Variants in SPATA22 observed in about 807,000 individuals in gnomAD.
SPATA22 encodes spermatogenesis-associated protein 22.
Under a neutral mutation model 47.8 loss-of-function variants are expected in SPATA22, and 29 were observed. The ratio of observed to expected loss-of-function variants is 0.61; its 90% CI spans 0.45 to 0.83. SPATA22 has a LOEUF of 0.83. SPATA22 is among the 40% of genes least tolerant of loss of function. SPATA22 has a pLI of 0.00. For missense variants in SPATA22, 410 were observed against 421.7 expected (o/e 0.97, Z 0.24); for synonymous variants, 133 against 140.9 (o/e 0.94, Z 0.40).
intron 1 of SPATA22, among the ~76,000 whole-genome samples, chr17:3,509,058 T>C (rs2074075832): frequency 1.3e-5 from 2 of 152,090 alleles, no homozygotes; most frequent in Non-Finnish European, 2.9e-5. Flanking sequence ...ATTCTCTCAT[T>C]GCCTCCTTGT....
At chr17:3,462,820 A>T in intron 3 of SPATA22, 53 bp from the exon 4 acceptor site, 3 of 1,350,766 alleles carry the variant, frequency 2.2e-6, no homozygotes, top group Non-Finnish European at 3.2e-6. Context: ...TATTTTTCAA[A>T]ATGATAAATT....
At chr17:3,479,363 AG>A (rs908629349) in intron 1 of SPATA22, among the ~76,000 whole-genome samples, 9 of 152,212 alleles carry the variant, frequency 5.9e-5, no homozygotes, top group African/African-American at 2.2e-4. Context: ...GCGCGACCTC[AG>A]GGGGTTATTT....
intron 1 of SPATA22, among the ~76,000 whole-genome samples, chr17:3,504,028 G>T (rs1336554406): frequency 6.6e-6 from 1 of 152,020 alleles, no homozygotes; most frequent in African/African-American, 2.4e-5. Context: ...CCACTCCAGT[G>T]TCCTTCCCAC....
At chr17:3,442,179 G>C (rs2072612778) in intron 8 of SPATA22, among the ~76,000 whole-genome samples, 1 of 151,786 alleles carries the variant, frequency 6.6e-6, no homozygotes, top group Non-Finnish European at 1.5e-5. Flanking sequence ...CTTCAGACTA[G>C]ATAAAAATAA....
chr17:3,474,687 G>C (rs2073496112), upstream of SPATA22, among the ~76,000 whole-genome samples: 1 of 152,018 alleles, frequency 6.6e-6, no homozygotes, highest in South Asian at 2.1e-4. Flanking sequence ...ACATTCAGTG[G>C]GTTTATTAAA....
intron 5 of SPATA22, among the ~76,000 whole-genome samples, chr17:3,461,512 A>T (rs1337873262): frequency 6.6e-6 from 1 of 152,192 alleles, no homozygotes; most frequent in African/African-American, 2.4e-5. Context: ...TAGCTCCTGC[A>T]GTTGGAACAA....
intron 1 of SPATA22, among the ~76,000 whole-genome samples, chr17:3,506,337 G>A (rs1449864869): frequency 6.6e-6 from 1 of 152,122 alleles, no homozygotes; most frequent in African/African-American, 2.4e-5. Flanking sequence ...GCACAGCCCA[G>A]AAGCTTACAT....
intron 1 of SPATA22, chr17:3,489,173 C>A: frequency 1.0e-6 from 1 of 1,000,348 alleles, no homozygotes; most frequent in Non-Finnish European, 1.6e-6. Context: ...CATTAAAATG[C>A]TTAGTTTTAT....
In SPATA22 at chr17:3,443,076, T is replaced by C. The variant is rs184506153; in HGVS notation, c.900+98A>G. 6.5e-5 allele frequency: 55 copies of C among 850,962 alleles called. No homozygotes were observed. The East Asian group carries it at 1.2e-3, about 19-fold the overall frequency. 52.7% of individuals were successfully genotyped at this position (850,962 alleles called of 1,614,324 possible). A position where few individuals can be genotyped will look rare whatever the true frequency, so the allele number is the denominator to read the frequency against. The stretch of plus-strand genomic sequence containing the variant: ...GAACTAAAACCAGTGTTAAAAGTAC[T>C]AAATTGTTAACAGAATTTATATTTC... On this transcript the variant is annotated intron_variant, in intron 8 of 8. Transcript: ENST00000572969.
chr17:3,512,394 G>A (rs949123336), intron 1 of SPATA22: 5 of 152,222 alleles, frequency 3.3e-5, no homozygotes, highest in Non-Finnish European at 5.9e-5. Context: ...TGTCCAGCTA[G>A]TCTGGCACAC....
At chr17:3,484,460 A>G (rs1242717250) in intron 1 of SPATA22, among the ~76,000 whole-genome samples, 2 of 152,136 alleles carry the variant, frequency 1.3e-5, no homozygotes, top group African/African-American at 4.8e-5. Flanking sequence ...CCCAGTCTTG[A>G]TGGATCACAG....
upstream of SPATA22, among the ~76,000 whole-genome samples, chr17:3,472,646 T>C (rs944664767): frequency 1.3e-5 from 2 of 152,200 alleles, no homozygotes; most frequent in African/African-American, 2.4e-5. Context: ...ATGGGCCAGG[T>C]AGTGGATTCT....
chr17:3,465,852 T>C (rs1004325937), intron 3 of SPATA22, among the ~76,000 whole-genome samples: 4 of 151,872 alleles, frequency 2.6e-5, no homozygotes, highest in Non-Finnish European at 4.4e-5. Flanking sequence ...GGAAAACTAC[T>C]ATTTCTGACA....
chr17:3,445,879 A>G (rs913155784), intron 7 of SPATA22, among the ~76,000 whole-genome samples: 2 of 152,146 alleles, frequency 1.3e-5, no homozygotes, highest in African/African-American at 4.8e-5. Context: ...CTTACAAATT[A>G]CCACAAACTT....
upstream of SPATA22, among the ~76,000 whole-genome samples, chr17:3,472,775 A>G (rs1432365537): frequency 1.3e-5 from 2 of 152,242 alleles, no homozygotes; most frequent in East Asian, 1.9e-4. Flanking sequence ...GCCTAGGCCT[A>G]TAAGACCACA....
Position 3,465,249 on chromosome 17 carries a change from T to C in SPATA22, c.172+2177A>G, listed in dbSNP as rs367753772. Among the ~76,000 whole-genome samples the C allele has an allele frequency of 6.7e-5, 7 of 105,198 alleles. No individual in the cohort carries two copies. In the East Asian group the frequency reaches 1.3e-3, roughly 19 times the overall value. 69.0% of individuals were successfully genotyped at this position (105,198 alleles called of 152,430 possible). ...CCTACTGGGAAGTGAGGAGCCCCTC[T>C]GCCCGGCCACCACCCCGTCTGGGAG... On this transcript the variant is annotated intron_variant, in intron 3 of 8. Coordinates refer to ENST00000572969, the MANE Select transcript of SPATA22 (RefSeq NM_001170698.2).
chr17:3,458,207 G>A (rs151018601), intron 5 of SPATA22, among the ~76,000 whole-genome samples: 1 of 152,222 alleles, frequency 6.6e-6, no homozygotes, highest in East Asian at 1.9e-4. Flanking sequence ...TGGCCAACAG[G>A]TATATAAAAA....
intron 5 of SPATA22, among the ~76,000 whole-genome samples, chr17:3,455,154 C>G (rs1274862793): frequency 7.0e-6 from 1 of 143,712 alleles, no homozygotes; most frequent in African/African-American, 2.5e-5. Context: ...GTTTTTTTTT[C>G]TTGTAAATTT....
Position 3,458,423 on chromosome 17 carries a change from CA to C in SPATA22, c.329+4059del, listed in dbSNP as rs1401377693. On this transcript the variant is annotated intron_variant, in intron 5 of 8. Transcript: ENST00000572969. ...TATGAAAAACAGTATGGAAGTTCCT[CA>C]AAAAATTAAAAACAGAACTACTATA... Among the ~76,000 whole-genome samples, 10 of 151,996 alleles carry C rather than the reference CA, an allele frequency of 6.6e-5. No individual in the cohort carries two copies. The East Asian group carries it at 1.7e-3, about 26-fold the overall frequency.
Sources: allele counts gnomAD v4.1 joint callset (sites outside exome capture counted in the v4.1 genomes callset), GRCh38; gene constraint gnomAD v4.1.1; transcripts MANE v1.5; gene names NCBI Gene and HGNC (gene_info 2026-07-23, HGNC 2026-07-21).